CFAP299: variants seen among roughly 807,000 people sequenced by gnomAD.
CFAP299 encodes the protein cilia and flagella associated protein 299, also known as cilia- and flagella-associated protein 299.
A neutral mutation model predicts 27.0 loss-of-function variants in CFAP299; 21 were observed. The observed-to-expected ratio is 0.78, with a 90% confidence interval of 0.55 to 1.12. The LOEUF is 1.12. Ranked by LOEUF, CFAP299 falls within the 50% of genes most tolerant of loss-of-function variation. CFAP299 has a pLI of 0.00. For missense variants in CFAP299, 310 were observed against 276.6 expected, an observed-to-expected ratio of 1.12 and a Z score of -0.86; for synonymous variants, 104 against 98.1, an observed-to-expected ratio of 1.06 and a Z score of -0.36.
intron 3 of CFAP299, among the ~76,000 whole-genome samples, chr4:80,688,659 G>T (rs539061374): frequency 3.3e-5 from 5 of 152,336 alleles, no homozygotes; most frequent in African/African-American, 1.2e-4. Context: ...AAGGAACGCA[G>T]TTCCTCACCA....
intron 2 of CFAP299, among the ~76,000 whole-genome samples, chr4:80,373,719 T>A (rs1724265752): frequency 6.6e-6 from 1 of 152,168 alleles, no homozygotes; most frequent in Admixed American, 6.5e-5. Context: ...CCTGGTGTCT[T>A]ATGGTTAAGT....
intron 3 of CFAP299, among the ~76,000 whole-genome samples, chr4:80,792,505 T>C (rs540063744): frequency 5.9e-5 from 9 of 152,228 alleles, no homozygotes; most frequent in African/African-American, 1.9e-4. Context: ...AGTGAAATCA[T>C]AGTGTTGATA....
chr4:80,932,928 T>TA (rs914058190), intron 4 of CFAP299, among the ~76,000 whole-genome samples: 10 of 150,966 alleles, frequency 6.6e-5, no homozygotes, highest in Non-Finnish European at 5.9e-5. Flanking sequence ...CACAAAGATT[T>TA]AAAAAAAAAG....
chr4:80,361,928 T>C (rs1042621322), intron 1 of CFAP299, among the ~76,000 whole-genome samples: 5 of 152,082 alleles, frequency 3.3e-5, no homozygotes, highest in Admixed American at 2.6e-4. Flanking sequence ...TTAATTAAAA[T>C]GATAATGGCC....
intron 3 of CFAP299, among the ~76,000 whole-genome samples, chr4:80,713,186 G>A (rs553508152): frequency 1.8e-4 from 28 of 152,222 alleles, no homozygotes; most frequent in African/African-American, 6.5e-4. Flanking sequence ...ACCCTCTCAG[G>A]AGGTTAATGT....
chr4:80,637,514 C>G (rs1739509771), intron 3 of CFAP299, among the ~76,000 whole-genome samples: 1 of 152,046 alleles, frequency 6.6e-6, no homozygotes, highest in South Asian at 2.1e-4. Context: ...ACAAGGTGGT[C>G]AGTCATGCAA....
intron 3 of CFAP299, among the ~76,000 whole-genome samples, chr4:80,607,695 G>A (rs1032880418): frequency 6.6e-6 from 1 of 152,156 alleles, no homozygotes; most frequent in Admixed American, 6.5e-5. Context: ...GACAGTGATC[G>A]CTCAGCTTCT....
chr4:80,955,463 T>C (rs371553413), intron 5 of CFAP299, among the ~76,000 whole-genome samples: 30 of 152,320 alleles, frequency 2.0e-4, no homozygotes, highest in African/African-American at 6.7e-4. Context: ...TGAAAATTGC[T>C]TCCTAGTAGT....
At chr4:80,437,901 C>T (rs1051504860) in intron 2 of CFAP299, among the ~76,000 whole-genome samples, 2 of 152,146 alleles carry the variant, frequency 1.3e-5, no homozygotes, top group African/African-American at 4.8e-5. Flanking sequence ...GCTTCATTTA[C>T]ACCATTTTCT....
intron 3 of CFAP299, among the ~76,000 whole-genome samples, chr4:80,676,414 G>T (rs1262190288): frequency 6.6e-6 from 1 of 152,100 alleles, no homozygotes; most frequent in Non-Finnish European, 1.5e-5. Context: ...ATGGCCTGTA[G>T]TTTTATTTTT....
chr4:80,725,758 T>C (rs1032022096), intron 3 of CFAP299, among the ~76,000 whole-genome samples: 3 of 152,194 alleles, frequency 2.0e-5, no homozygotes, highest in Admixed American at 6.5e-5. Context: ...TTTCCCTTTG[T>C]GGTCCTGTTT....
intron 3 of CFAP299, among the ~76,000 whole-genome samples, chr4:80,625,460 A>C (rs1182914336): frequency 6.6e-6 from 1 of 152,050 alleles, no homozygotes; most frequent in Non-Finnish European, 1.5e-5. Flanking sequence ...GAAAAAGAGA[A>C]AGAGACAGAA....
intron 2 of CFAP299, among the ~76,000 whole-genome samples, chr4:80,414,289 C>T (rs1257416882): frequency 6.6e-6 from 1 of 151,554 alleles, no homozygotes; most frequent in Non-Finnish European, 1.5e-5. Context: ...CCAGGATGGT[C>T]TCGATCTCCT....
intron 3 of CFAP299, among the ~76,000 whole-genome samples, chr4:80,656,617 G>A (rs1344628068): frequency 1.3e-5 from 2 of 152,072 alleles, no homozygotes; most frequent in Non-Finnish European, 2.9e-5. Flanking sequence ...TCTTTATCCG[G>A]TCTATCACTG....
intron 3 of CFAP299, among the ~76,000 whole-genome samples, chr4:80,773,521 C>G (rs547959332): frequency 6.6e-6 from 1 of 152,188 alleles, no homozygotes; most frequent in East Asian, 1.9e-4. Flanking sequence ...GTCTGCAGTC[C>G]ATTTTTAATT....
In CFAP299 at chr4:80,726,273, AATG is replaced by A. The variant is rs374076053; in HGVS notation, c.333+143093_333+143095del. ...AACTTTTTCTCTATGACACAATTAG[AATG>A]ATAACATTACAATTCATATATTAAA... On this transcript the variant is annotated intron_variant, in intron 3 of 5. Transcript: ENST00000358105. 5.5e-4 allele frequency among the ~76,000 whole-genome samples: 83 copies of A among 152,288 alleles called. 1 individual carries two copies. Among genetic ancestry groups the A allele is most frequent in the Middle Eastern group, 3.4e-3 (1 of 294 alleles).
intron 2 of CFAP299, among the ~76,000 whole-genome samples, chr4:80,366,262 A>G (rs1222174127): frequency 2.0e-5 from 3 of 152,216 alleles, no homozygotes; most frequent in African/African-American, 7.2e-5. Flanking sequence ...CTTCTTTAAT[A>G]TGCAGGTGAG....
Position 80,360,322 on chromosome 4 carries a change from T to C in CFAP299, c.112-2432T>C, listed in dbSNP as rs1723479839. Among the ~76,000 whole-genome samples the C allele has an allele frequency of 3.3e-5, 5 of 152,140 alleles. No homozygotes were observed. In the South Asian group the frequency reaches 1.0e-3, roughly 31 times the overall value. On this transcript the variant is annotated intron_variant, in intron 1 of 5. Transcript: ENST00000358105. ...TGCAGCTGGAGGGGGAGTGAGCCCC[T>C]CCTGAAGACTGTGCTGGAGGCGGTA...
chr4:80,860,739 G>A (rs1391818551), intron 3 of CFAP299, among the ~76,000 whole-genome samples: 5 of 152,128 alleles, frequency 3.3e-5, no homozygotes, highest in Admixed American at 6.5e-5. Flanking sequence ...CATGAACCGC[G>A]AATGTTGCTC....
Sources: gnomAD v4.1 joint callset for allele counts (sites outside exome capture counted in the v4.1 genomes callset) on GRCh38, gnomAD v4.1.1 for gene constraint, MANE v1.5 for transcripts, NCBI Gene and HGNC (gene_info 2026-07-23, HGNC 2026-07-21) for gene names.